ATP10B: variants seen among roughly 807,000 people sequenced by gnomAD.
ATP10B encodes the protein ATPase phospholipid transporting 10B (putative).
ATP10B carries 122 observed loss-of-function variants against 141.2 expected under a neutral mutation model. That is an observed-to-expected ratio of 0.86 (90% CI 0.75 to 1.00). The LOEUF is 1.00. Among genes scored for constraint, ATP10B ranks in the 50% least tolerant of loss-of-function variants. The pLI is 0.00. For missense variants in ATP10B, 1,876 were observed against 1,825.3 expected (o/e 1.03, Z -0.51); for synonymous variants, 685 against 692.0 (o/e 0.99, Z 0.16).
intron 6 of ATP10B, among the ~76,000 whole-genome samples, chr5:160,674,004 T>C (rs1246708106): frequency 2.0e-5 from 3 of 152,224 alleles, no homozygotes; most frequent in Non-Finnish European, 4.4e-5. Context: ...CTGTCTTGTC[T>C]TCCTTTTTTT....
rs1265043909 is a variant in ATP10B at position 160,604,057 on chromosome 5, T to TA, written c.3161-17dup. 6.2e-7 allele frequency: 1 copy of TA among 1,610,518 alleles called. No homozygotes were observed. Among genetic ancestry groups the TA allele is most frequent in the Non-Finnish European group, 8.5e-7 (1 of 1,177,156 alleles). ...GCTCCATCACCTGAAAGAGAGGTCA[T>TA]AACGTGTCTTTATTTTTGGTCCAAC... On this transcript the variant is annotated splice_polypyrimidine_tract_variant and intron_variant, in intron 19 of 25. Coordinates refer to ENST00000327245, the MANE Select transcript of ATP10B (RefSeq NM_025153.3).
At chr5:160,568,060 G>A (rs1754654107) in intron 25 of ATP10B, among the ~76,000 whole-genome samples, 1 of 152,120 alleles carries the variant, frequency 6.6e-6, no homozygotes, top group South Asian at 2.1e-4. Context: ...GTCCCAAGTG[G>A]GTAGCATTTG....
the ATP10B span, among the ~76,000 whole-genome samples, chr5:160,877,068 A>G: frequency 2.6e-5 from 4 of 152,082 alleles, no homozygotes; most frequent in African/African-American, 2.4e-5. Context: ...CCAAAGCCGG[A>G]CAGAGACAAC....
At chr5:160,781,361 AT>A (rs1770702427) in intron 2 of ATP10B, among the ~76,000 whole-genome samples, 1 of 152,106 alleles carries the variant, frequency 6.6e-6, no homozygotes, top group African/African-American at 2.4e-5. Context: ...TGTTTGAAAG[AT>A]TTTTAGGTCA....
At position 160,722,003 on chromosome 5, in the gene ATP10B, A is replaced by T. The variant is rs567410929; in HGVS notation, c.-330-4969T>A. ...TCTCAATTACCTTCTTTGTGTGGGG[A>T]TAATAATAATATATACCTCTTGGGC... On this transcript the variant is annotated intron_variant, in intron 2 of 25. Coordinates refer to ENST00000327245, the MANE Select transcript of ATP10B (RefSeq NM_025153.3). Among the ~76,000 whole-genome samples the T allele has an allele frequency of 1.2e-4, 18 of 152,296 alleles. No homozygotes were observed. In the East Asian group the frequency reaches 3.1e-3, roughly 26 times the overall value.
At chr5:160,767,635 A>AACCCCC (rs1554113840) in intron 2 of ATP10B, among the ~76,000 whole-genome samples, 4 of 86,658 alleles carry the variant, frequency 4.6e-5, no homozygotes, top group African/African-American at 7.5e-5. Flanking sequence ...TGTGTGCAGA[A>AACCCCC]CCCCCCCCCC....
chr5:160,653,812 T>TA (rs1199206582), intron 7 of ATP10B, among the ~76,000 whole-genome samples: 1 of 125,316 alleles, frequency 8.0e-6, no homozygotes, highest in African/African-American at 3.1e-5. Flanking sequence ...TATACATATA[T>TA]ATTATATAGA....
At chr5:160,842,729 T>C (rs1428699993) in intron 1 of ATP10B, among the ~76,000 whole-genome samples, 2 of 151,924 alleles carry the variant, frequency 1.3e-5, no homozygotes, top group Admixed American at 1.3e-4. Flanking sequence ...AAATAAAGCC[T>C]CTTTTTTATA....
intron 2 of ATP10B, among the ~76,000 whole-genome samples, chr5:160,721,546 C>T (rs529764321): frequency 2.0e-5 from 3 of 152,174 alleles, no homozygotes; most frequent in East Asian, 1.9e-4. Flanking sequence ...TTTAAAGTTT[C>T]AGATGACTGG....
intron 6 of ATP10B, among the ~76,000 whole-genome samples, chr5:160,679,924 G>A (rs73306701): frequency 0.011 from 1,636 of 152,236 alleles, 34 homozygotes; most frequent in African/African-American, 0.038. Flanking sequence ...TCATTAAACT[G>A]AGCCCTGGGA....
intron 2 of ATP10B, among the ~76,000 whole-genome samples, chr5:160,720,032 G>T (rs1765902417): frequency 6.6e-6 from 1 of 152,186 alleles, no homozygotes; most frequent in African/African-American, 2.4e-5. Context: ...CTTCAGTAAA[G>T]ATTCTGAAAT....
intron 3 of ATP10B, among the ~76,000 whole-genome samples, 200 bp downstream of exon 3, chr5:160,716,709 T>G (rs1231362704): frequency 2.0e-5 from 3 of 152,150 alleles, no homozygotes; most frequent in Non-Finnish European, 4.4e-5. Flanking sequence ...GTAAAACAAA[T>G]CTAGAGGTAG....
At chr5:160,816,801 G>A (rs79655618) in intron 1 of ATP10B, among the ~76,000 whole-genome samples, 51,741 of 151,882 alleles carry the variant, frequency 0.34, 9,826 homozygotes, top group East Asian at 0.44. Context: ...AAGCTTATCC[G>A]CCATGATCAA....
At chr5:160,722,087 T>A (rs1202390296) in intron 2 of ATP10B, among the ~76,000 whole-genome samples, 3 of 152,216 alleles carry the variant, frequency 2.0e-5, no homozygotes, top group Non-Finnish European at 2.9e-5. Context: ...TCGTAGGAAG[T>A]ATTTGTCATA....
intron 7 of ATP10B, among the ~76,000 whole-genome samples, chr5:160,667,809 C>G (rs1762412165): frequency 6.6e-6 from 1 of 152,104 alleles, no homozygotes; most frequent in South Asian, 2.1e-4. Context: ...AAAGAAGTCA[C>G]TGGTTGAACT....
chr5:160,695,598 A>C (rs1007326027), intron 3 of ATP10B, among the ~76,000 whole-genome samples: 1 of 152,158 alleles, frequency 6.6e-6, no homozygotes, highest in African/African-American at 2.4e-5. Flanking sequence ...TACAGTAAAC[A>C]TGTTGACTTC....
At position 160,602,219 on chromosome 5, in the gene ATP10B, C is replaced by T. The variant is rs193114236; in HGVS notation, c.3363+358G>A. On this transcript the variant is annotated intron_variant, in intron 21 of 25. Coordinates refer to ENST00000327245, the MANE Select transcript of ATP10B (RefSeq NM_025153.3). ...GCAAATATGAGAAAGGTACTATTAC[C>T]ACCCATTTTACAGATGGTAAAACTG... 2.6e-5 allele frequency among the ~76,000 whole-genome samples: 4 copies of T among 152,272 alleles called. No homozygotes were observed. The East Asian group carries it at 7.7e-4, about 29-fold the overall frequency.
At chr5:160,843,854 G>T (rs1222951877) in intron 1 of ATP10B, among the ~76,000 whole-genome samples, 3 of 151,836 alleles carry the variant, frequency 2.0e-5, no homozygotes, top group Non-Finnish European at 2.9e-5. Context: ...TTTTCATTTT[G>T]TAATATTTGG....
the ATP10B span, among the ~76,000 whole-genome samples, chr5:160,894,886 C>T: frequency 4.6e-5 from 7 of 152,128 alleles, no homozygotes; most frequent in African/African-American, 7.2e-5. Context: ...CAGAAGAAAG[C>T]GGGAGCCAAT....
Sources: gnomAD v4.1 joint callset for allele counts (sites outside exome capture counted in the v4.1 genomes callset) on GRCh38, gnomAD v4.1.1 for gene constraint, MANE v1.5 for transcripts, NCBI Gene and HGNC (gene_info 2026-07-23, HGNC 2026-07-21) for gene names.